Variants in ISLR2 observed in about 807,000 individuals in gnomAD.
The protein encoded by ISLR2 is immunoglobulin superfamily containing leucine rich repeat 2.
ISLR2 carries 16 observed loss-of-function variants against 25.5 expected under a neutral mutation model. The ratio of observed to expected loss-of-function variants is 0.63; its 90% CI spans 0.43 to 0.95. ISLR2 has a LOEUF of 0.95. Among genes scored for constraint, ISLR2 ranks in the 40% least tolerant of loss-of-function variants. ISLR2 has a pLI of 0.00. For missense variants in ISLR2, 883 were observed against 1,030.7 expected (o/e 0.86, Z 1.96); for synonymous variants, 508 against 486.6 (o/e 1.04, Z -0.58).
At position 74,134,348 on chromosome 15, in the gene ISLR2, C is replaced by T. The variant is rs1041944791; in HGVS notation, c.1594C>T (p.Leu532=). ...PGRRPLRLLY[L]CPAGGGAAVQ... ...GCGGCGACCCCTGCGCCTACTCTAT[C>T]TGTGTCCAGCGGGGGGCGGCGCGGC... The change falls in exon 3 of 3, where the codon CTG becomes TTG. Residue 532 remains leucine (L), a synonymous_variant. Coordinates refer to ENST00000453268, the MANE Select transcript of ISLR2 (RefSeq NM_020851.3). 6.3e-6 allele frequency: 10 copies of T among 1,590,068 alleles called. No individual in the cohort carries two copies. The African/African-American group carries it at 1.3e-4, about 21-fold the overall frequency.
In ISLR2 at chr15:74,133,951, C is replaced by T. The variant is rs1196572207; in HGVS notation, c.1197C>T (p.Ser399=). ...DGQAPTSERK[S]TAKGRGNSVL... ...AGGCCCCGACCTCTGAGCGCAAGTC[C>T]ACAGCCAAGGGCCGGGGCAACAGCG... Residue 399 remains serine (S), a synonymous_variant, in exon 3 of 3, where the codon TCC becomes TCT. Coordinates refer to ENST00000453268, the MANE Select transcript of ISLR2 (RefSeq NM_020851.3). The T allele has an allele frequency of 1.9e-6, 3 of 1,607,636 alleles. No homozygotes were observed. Among genetic ancestry groups the T allele is most frequent in the African/African-American group, 2.7e-5 (2 of 74,828 alleles).
chr15:74,129,283 G>A (rs929189670), upstream of ISLR2: 13 of 323,002 alleles, frequency 4.0e-5, no homozygotes, highest in African/African-American at 2.0e-4. The surrounding 1 kb of genome is among the most constrained non-coding windows in gnomAD (Gnocchi z 4.5). Context: ...AGCAGCCTCG[G>A]AACCCCGGGC....
chr15:74,103,564 A>G (rs951283033), intron 1 of ISLR2, among the ~76,000 whole-genome samples: 11 of 126,890 alleles, frequency 8.7e-5, no homozygotes, highest in Admixed American at 2.4e-4. Context: ...CAAGGTTGCC[A>G]TGAGCTGATA....
rs535585049 is a variant in ISLR2 at position 74,131,963 on chromosome 15, T to C, written c.-9+647T>C. 2.0e-5 allele frequency: 3 copies of C among 152,416 alleles called. No homozygotes were observed. The East Asian group carries it at 5.8e-4, about 29-fold the overall frequency. The allele number at this position is 152,416 out of a possible 1,614,324, so 9.4% of individuals were successfully genotyped here. ...CTATTGCTTCTCTGCTGGGTTTCGG[T>C]CACAGTGGAGGGCTGTATGCACACA... On this transcript the variant is annotated intron_variant, in intron 2 of 2. Coordinates refer to ENST00000453268, the MANE Select transcript of ISLR2 (RefSeq NM_020851.3).
downstream of ISLR2, among the ~76,000 whole-genome samples, chr15:74,141,367 G>T (rs1039727846): frequency 6.6e-6 from 1 of 152,132 alleles, no homozygotes; most frequent in Non-Finnish European, 1.5e-5. Flanking sequence ...GCCATTCAAG[G>T]CATCCAGCCA....
intron 1 of ISLR2, among the ~76,000 whole-genome samples, chr15:74,130,914 G>A (rs1234574666): frequency 6.6e-6 from 1 of 152,022 alleles, no homozygotes; most frequent in Non-Finnish European, 1.5e-5. Flanking sequence ...GGGTGCAGTA[G>A]GCTGCGAAGA....
At position 74,133,654 on chromosome 15, in the gene ISLR2, A is replaced by G; in HGVS notation, c.900A>G (p.Gly300=). The G allele has an allele frequency of 6.2e-7, 1 of 1,612,096 alleles. No individual in the cohort carries two copies. Among genetic ancestry groups the G allele is most frequent in the Non-Finnish European group, 8.5e-7 (1 of 1,179,196 alleles). The change falls in exon 3 of 3, where the codon GGA becomes GGG. Residue 300 remains glycine (G), a synonymous_variant. Coordinates refer to ENST00000453268, the MANE Select transcript of ISLR2 (RefSeq NM_020851.3). Reference sequence around the variant, plus strand: ...ACGACGGGGTTGGGGCGGAGGAAGGAGAGGGAGAAGGAGATGGGGATTTGC... The same window carrying G: ...ACGACGGGGTTGGGGCGGAGGAAGGGGAGGGAGAAGGAGATGGGGATTTGC... ...GEDDGVGAEE[G]EGEGDGDLLT...
downstream of ISLR2, among the ~76,000 whole-genome samples, chr15:74,139,877 T>A (rs1325675663): frequency 1.4e-5 from 2 of 145,612 alleles, no homozygotes; most frequent in African/African-American, 5.5e-5. Context: ...TGTGTGTGTG[T>A]GTGTGTGTGT....
intron 2 of ISLR2, among the ~76,000 whole-genome samples, chr15:74,119,655 T>A (rs1435302503): frequency 6.6e-6 from 1 of 152,356 alleles, no homozygotes; most frequent in East Asian, 1.9e-4. Flanking sequence ...GATTAAAATG[T>A]TAATTAACTT....
At chr15:74,131,150 A>C (rs2072407160) in intron 1 of ISLR2, 57 bp from the exon 2 acceptor site, 1 of 152,822 alleles carries the variant, frequency 6.5e-6, no homozygotes. Context: ...TGGGGCCACC[A>C]AGTCCCCAAA....
intron 2 of ISLR2, among the ~76,000 whole-genome samples, chr15:74,108,700 G>T (rs1315143954): frequency 6.6e-6 from 1 of 152,230 alleles, no homozygotes; most frequent in Non-Finnish European, 1.5e-5. Flanking sequence ...CAGGCCAGGG[G>T]TAATGGGTCA....
upstream of ISLR2, among the ~76,000 whole-genome samples, chr15:74,124,682 C>T (rs1347604466): frequency 1.3e-5 from 2 of 152,242 alleles, no homozygotes; most frequent in East Asian, 3.9e-4. Flanking sequence ...TCACTTGAAC[C>T]CAGGAAGTGG....
intron 2 of ISLR2, among the ~76,000 whole-genome samples, chr15:74,108,358 T>G (rs959583776): frequency 3.9e-5 from 6 of 152,252 alleles, no homozygotes; most frequent in Admixed American, 3.9e-4. Context: ...AACAAGTCCC[T>G]GTGTGTCCCC....
rs1329015293 is a variant in ISLR2 at position 74,134,872 on chromosome 15, C to A, written c.2118C>A (p.Ser706=). The stretch of plus-strand genomic sequence containing the variant: ...CCTGCTCACTGGTGGAGTCCCAGTC[C>A]AAGGCCAACCAAGAGGAGTTCGAGG... ...LAACSLVESQ[S]KANQEEFEAG... is the part of the protein sequence containing the mutation. Residue 706 remains serine, a synonymous_variant, in exon 3 of 3, where the codon TCC becomes TCA. Transcript: ENST00000453268. The A allele has an allele frequency of 7.4e-6, 12 of 1,614,162 alleles. No homozygotes were observed. Among genetic ancestry groups the A allele is most frequent in the Non-Finnish European group, 1.0e-5 (12 of 1,180,028 alleles).
intron 2 of ISLR2, among the ~76,000 whole-genome samples, chr15:74,114,014 C>T (rs538754595): frequency 2.8e-4 from 42 of 152,350 alleles, no homozygotes; most frequent in Non-Finnish European, 5.0e-4. Context: ...TACTCTGCCA[C>T]ACACATTTTA....
At position 74,135,496 on chromosome 15, in the gene ISLR2, TTTTATTTA is replaced by T. The variant is rs370363634; in HGVS notation, c.*520_*527del. On this transcript the variant is annotated 3_prime_UTR_variant, in exon 3 of 3. Transcript: ENST00000453268. ...TCTTTCCTTTTTTTTTATTTTTTAATTTTATTTATTTATTTATTTATTTTTTGACGGAG... is the reference window on the plus strand; with the variant it reads ...TCTTTCCTTTTTTTTTATTTTTTAATTTTATTTATTTATTTTTTGACGGAG... The T allele has an allele frequency of 1.2e-5, 2 of 166,356 alleles. No individual in the cohort carries two copies. Among genetic ancestry groups the T allele is most frequent in the African/African-American group, 4.8e-5 (2 of 41,364 alleles). 10.3% of individuals were successfully genotyped at this position (166,356 alleles called of 1,614,324 possible).
Position 74,132,698 on chromosome 15 carries a change from G to C in ISLR2, c.-8-49G>C. The C allele has an allele frequency of 6.4e-7, 1 of 1,568,344 alleles. No homozygotes were observed. Among genetic ancestry groups the C allele is most frequent in the Non-Finnish European group, 8.7e-7 (1 of 1,155,402 alleles). On this transcript the variant is annotated intron_variant, in intron 2 of 2. Coordinates refer to ENST00000453268, the MANE Select transcript of ISLR2 (RefSeq NM_020851.3). The surrounding 1 kb of genome is among the most constrained non-coding windows in gnomAD (Gnocchi z 4.3). ...ACAGCTTGATAGGGGAGGTAAGCTG[G>C]GGTTCAGTGAGTCACCTTCTTTCTT...
intron 2 of ISLR2, among the ~76,000 whole-genome samples, chr15:74,111,319 G>A (rs529670667): frequency 3.0e-4 from 45 of 151,808 alleles, no homozygotes; most frequent in Non-Finnish European, 4.6e-4. Context: ...TTGAGACAAA[G>A]TCTCACTCTG....
chr15:74,114,326 T>C (rs1322893622), intron 2 of ISLR2, among the ~76,000 whole-genome samples: 6 of 152,184 alleles, frequency 3.9e-5, no homozygotes, highest in Non-Finnish European at 8.8e-5. Context: ...TCATATTCAT[T>C]CTATTCTAAA....
Sources: gnomAD v4.1 joint callset for allele counts (sites outside exome capture counted in the v4.1 genomes callset) on GRCh38, gnomAD v4.1.1 for gene constraint, Gnocchi (gnomAD v3.1) non-coding constraint, MANE v1.5 for transcripts, NCBI Gene and HGNC (gene_info 2026-07-23, HGNC 2026-07-21) for gene names.